BSCL2: variants seen among roughly 807,000 people sequenced by gnomAD.
BSCL2 encodes the protein seipin.
BSCL2 carries 41 observed loss-of-function variants against 57.4 expected under a neutral mutation model. That is an observed-to-expected ratio of 0.71 (90% CI 0.56 to 0.93). BSCL2 has a LOEUF of 0.93. BSCL2 is among the 40% of genes least tolerant of loss of function. BSCL2 has a pLI of 0.00. For missense variants in BSCL2, 539 were observed against 586.7 expected (o/e 0.92, Z 0.84); for synonymous variants, 237 against 227.3 (o/e 1.04, Z -0.38).
intron 5 of BSCL2, 85 bp from the exon 6 acceptor site, chr11:62,692,558 G>A: frequency 6.2e-7 from 1 of 1,611,586 alleles, no homozygotes; most frequent in Non-Finnish European, 8.5e-7. Context: ...CCCACTTCCA[G>A]TCTCTCAGTT....
At chr11:62,706,567 C>T in intron 1 of BSCL2, 1 of 465,114 alleles carries the variant, frequency 2.2e-6, no homozygotes, top group South Asian at 1.6e-5. Context: ...CTGCAGCCTC[C>T]GCTCGGCTCT....
upstream of BSCL2, chr11:62,709,100 C>T (rs772594761): frequency 2.1e-6 from 1 of 482,924 alleles, no homozygotes; most frequent in South Asian, 1.7e-5. Flanking sequence ...CGGTGACCTG[C>T]TCAGACAATG....
chr11:62,692,009 G>A lies in BSCL2; in HGVS notation c.863+367C>T, dbSNP rs1038117211. On this transcript the variant is annotated intron_variant, in intron 6 of 10. Transcript: ENST00000360796. ...AGAGCTTGCAGTGAGCCGAGGTCGC[G>A]CCACTGCACTCCAGCCTAGGCAACA... is the stretch of plus-strand genomic sequence containing the variant. Among the ~76,000 whole-genome samples the A allele has an allele frequency of 5.3e-5, 8 of 149,898 alleles. No individual in the cohort carries two copies. In the East Asian group the frequency reaches 5.9e-4, roughly 11 times the overall value.
intron 3 of BSCL2, 143 bp downstream of exon 3, chr11:62,702,325 C>CA (rs1945666121): frequency 1.4e-6 from 1 of 715,506 alleles, no homozygotes; most frequent in Non-Finnish European, 2.4e-6. Context: ...CTCAGCCTCC[C>CA]AAAGTACTGG....
Position 62,690,357 on chromosome 11 carries a change from C to A in BSCL2, c.*10G>T. On this transcript the variant is annotated 3_prime_UTR_variant, in exon 11 of 11. Transcript: ENST00000360796. The stretch of plus-strand genomic sequence containing the variant: ...AAAGTGCTGGAATGTGAGGAGTCTG[C>A]CCCTTTTCTTCAGGAACTAGAGCAG... 1.2e-6 allele frequency: 2 copies of A among 1,613,804 alleles called. No individual in the cohort carries two copies. The highest frequency in any genetic ancestry group is 1.1e-5 in the South Asian group (1 of 91,066).
upstream of BSCL2, chr11:62,707,563 A>T (rs1343930084): frequency 8.5e-6 from 5 of 586,520 alleles, no homozygotes; most frequent in Non-Finnish European, 1.5e-5. Flanking sequence ...GATGCCTGCA[A>T]TGGGGGAGGG....
intron 3 of BSCL2, among the ~76,000 whole-genome samples, chr11:62,701,311 A>T (rs1232133679): frequency 1.3e-5 from 2 of 152,204 alleles, no homozygotes; most frequent in Non-Finnish European, 2.9e-5. Flanking sequence ...TCCTCAGTTT[A>T]TGATGGGGTT....
chr11:62,702,103 G>T (rs768706785), intron 3 of BSCL2, among the ~76,000 whole-genome samples: 1 of 146,028 alleles, frequency 6.8e-6, no homozygotes, highest in African/African-American at 2.5e-5. Flanking sequence ...CTTCATTCTT[G>T]TTGCCCAGGC....
intron 4 of BSCL2, among the ~76,000 whole-genome samples, chr11:62,693,375 G>A (rs1009087852): frequency 6.6e-6 from 1 of 151,982 alleles, no homozygotes; most frequent in African/African-American, 2.4e-5. Flanking sequence ...GTAGTGGTGA[G>A]CACCTGTAGT....
chr11:62,708,366 A>C, upstream of BSCL2: 2 of 1,613,360 alleles, frequency 1.2e-6, no homozygotes, highest in Non-Finnish European at 1.7e-6. Context: ...GAACAGCTTA[A>C]GATTGAAGCC....
At chr11:62,703,501 T>C (rs1945711558) in intron 2 of BSCL2, among the ~76,000 whole-genome samples, 4 of 151,394 alleles carry the variant, frequency 2.6e-5, no homozygotes, top group Admixed American at 1.3e-4. Flanking sequence ...AACAGGCGCC[T>C]GCCACCACGC....
upstream of BSCL2, chr11:62,708,150 A>G: frequency 1.5e-6 from 1 of 680,458 alleles, no homozygotes; most frequent in African/African-American, 1.8e-5. Flanking sequence ...CAGGGATGAG[A>G]CAGTCCACTG....
intron 2 of BSCL2, 137 bp downstream of exon 2, chr11:62,705,164 G>T: frequency 1.1e-6 from 1 of 935,730 alleles, no homozygotes; most frequent in Non-Finnish European, 1.6e-6. Flanking sequence ...GCCTTGGGCT[G>T]TGAAAGTTGA....
At chr11:62,701,167 G>C (rs1053991158) in intron 3 of BSCL2, among the ~76,000 whole-genome samples, 1 of 152,010 alleles carries the variant, frequency 6.6e-6, no homozygotes, top group South Asian at 2.1e-4. Flanking sequence ...AAAACTCTTG[G>C]GTAGATGCCC....
At position 62,691,067 on chromosome 11, in the gene BSCL2, A is replaced by AC. The variant is rs1554982976; in HGVS notation, c.1072+7dup. 1.9e-6 allele frequency: 3 copies of AC among 1,614,012 alleles called. No individual in the cohort carries two copies. The highest frequency in any genetic ancestry group is 2.5e-6 in the Non-Finnish European group (3 of 1,179,982). ...CCACCTCAACAGCTCCCCAGCCAAC[A>AC]CCTTTACCTGGCTGATGAGCAGAGA... is the stretch of plus-strand genomic sequence containing the variant. On this transcript the variant is annotated splice_region_variant and intron_variant, in intron 8 of 10. Coordinates refer to ENST00000360796, the MANE Select transcript of BSCL2 (RefSeq NM_001122955.4).
chr11:62,703,363 T>C (rs1344827734), intron 2 of BSCL2, among the ~76,000 whole-genome samples: 1 of 145,536 alleles, frequency 6.9e-6, no homozygotes, highest in Non-Finnish European at 1.5e-5. Flanking sequence ...TTTTTTTTTT[T>C]TTTTTTGAGA....
intron 1 of BSCL2, chr11:62,705,921 G>A (rs2083522877): frequency 2.8e-6 from 1 of 360,956 alleles, no homozygotes. Flanking sequence ...AGCACCTTAC[G>A]ATTCTTAGAA....
intron 3 of BSCL2, among the ~76,000 whole-genome samples, chr11:62,696,235 C>A (rs989335449): frequency 1.3e-5 from 2 of 151,206 alleles, no homozygotes; most frequent in African/African-American, 2.4e-5. Context: ...TTCCTACCCC[C>A]CTGTAGAGAC....
chr11:62,702,799 ATACT>A (rs1945684569), intron 2 of BSCL2, among the ~76,000 whole-genome samples: 1 of 152,078 alleles, frequency 6.6e-6, no homozygotes, highest in African/African-American at 2.4e-5. Context: ...GAATCTAGAG[ATACT>A]TAAATAGTTG....
Sources: allele counts gnomAD v4.1 joint callset (sites outside exome capture counted in the v4.1 genomes callset), GRCh38; gene constraint gnomAD v4.1.1; transcripts MANE v1.5; gene names NCBI Gene and HGNC (gene_info 2026-07-23, HGNC 2026-07-21).